SIPA1L1: variants seen among roughly 807,000 people sequenced by gnomAD.
The protein encoded by SIPA1L1 is signal-induced proliferation-associated 1-like protein 1.
A neutral mutation model predicts 162.7 loss-of-function variants in SIPA1L1; 26 were observed. That is an observed-to-expected ratio of 0.16 (90% CI 0.12 to 0.22). The LOEUF is 0.22. Among genes scored for constraint, SIPA1L1 ranks in the 10% least tolerant of loss-of-function variants. The pLI, the probability that SIPA1L1 is intolerant of heterozygous loss-of-function variation, is 1.00. For synonymous variants in SIPA1L1, 829 were observed against 837.4 expected (o/e 0.99, Z 0.17); for missense variants, 1,874 against 2,241.0 (o/e 0.84, Z 3.31).
intron 2 of SIPA1L1, among the ~76,000 whole-genome samples, chr14:71,511,463 T>A (rs988447426): frequency 2.6e-5 from 4 of 152,044 alleles, no homozygotes; most frequent in Admixed American, 6.5e-5. Flanking sequence ...TTTTTTATTT[T>A]TTTTTTGCAG....
At chr14:71,489,192 A>T (rs999051086) in intron 2 of SIPA1L1, among the ~76,000 whole-genome samples, 3 of 152,228 alleles carry the variant, frequency 2.0e-5, no homozygotes, top group Non-Finnish European at 4.4e-5. Context: ...TTGCCTTTAG[A>T]AAACTGACCT....
At chr14:71,361,563 A>G (rs975346820) in intron 2 of SIPA1L1, among the ~76,000 whole-genome samples, 6 of 152,168 alleles carry the variant, frequency 3.9e-5, no homozygotes, top group Admixed American at 6.5e-5. Context: ...CAGATAAGTC[A>G]TTACGTAAGA....
intron 14 of SIPA1L1, among the ~76,000 whole-genome samples, chr14:71,701,400 TG>T (rs1489749219): frequency 1.3e-5 from 2 of 151,632 alleles, no homozygotes; most frequent in East Asian, 1.9e-4. Flanking sequence ...TTTTTTTTTT[TG>T]TGGAGCCTGG....
At chr14:71,324,953 G>T (rs2033614512) in intron 2 of SIPA1L1, among the ~76,000 whole-genome samples, 1 of 152,112 alleles carries the variant, frequency 6.6e-6, no homozygotes, top group South Asian at 2.1e-4. Flanking sequence ...GATTTATGTT[G>T]CGCCACCCTA....
At chr14:71,443,422 G>T (rs1433259723) in intron 2 of SIPA1L1, among the ~76,000 whole-genome samples, 1 of 152,004 alleles carries the variant, frequency 6.6e-6, no homozygotes, top group African/African-American at 2.4e-5. Flanking sequence ...ATCTTTTTGT[G>T]CTTGTTTGTA....
At position 71,707,798 on chromosome 14, in the gene SIPA1L1, A is replaced by G. The variant is rs180724377; in HGVS notation, c.3766-1424A>G. ...CACGTACAATGAAACATGCCTTTTT[A>G]TTTCTCTTGGGTATATATATATACC... On this transcript the variant is annotated intron_variant, in intron 16 of 23. Transcript: ENST00000381232. Among the ~76,000 whole-genome samples the G allele has an allele frequency of 5.1e-3, 773 of 151,750 alleles. 3 individuals are homozygous for G. The highest frequency in any genetic ancestry group is 0.012 in the South Asian group (59 of 4,808).
At chr14:71,566,519 C>CGG (rs893329625) in intron 4 of SIPA1L1, among the ~76,000 whole-genome samples, 1 of 151,950 alleles carries the variant, frequency 6.6e-6, no homozygotes, top group African/African-American at 2.4e-5. Context: ...CATTAGCACA[C>CGG]GGAGAGAGAA....
intron 4 of SIPA1L1, among the ~76,000 whole-genome samples, chr14:71,555,321 C>T (rs1002613745): frequency 2.6e-5 from 4 of 152,220 alleles, no homozygotes; most frequent in Admixed American, 6.5e-5. Flanking sequence ...ATGGAGACAG[C>T]TTCCTTCCCG....
At chr14:71,445,596 A>G (rs955678331) in intron 2 of SIPA1L1, among the ~76,000 whole-genome samples, 2 of 152,200 alleles carry the variant, frequency 1.3e-5, no homozygotes, top group Non-Finnish European at 2.9e-5. Context: ...CATATGTACT[A>G]TATGGAGTCA....
intron 2 of SIPA1L1, among the ~76,000 whole-genome samples, chr14:71,353,527 G>C (rs552311509): frequency 6.6e-6 from 1 of 152,172 alleles, no homozygotes; most frequent in Admixed American, 6.5e-5. Context: ...GGTTTTAAGC[G>C]CAGCATTGAC....
intron 4 of SIPA1L1, among the ~76,000 whole-genome samples, chr14:71,578,355 G>A (rs2033427560): frequency 2.0e-5 from 3 of 152,062 alleles, no homozygotes; most frequent in Admixed American, 2.0e-4. Context: ...GTTGTGAGCC[G>A]CTGCACCTGG....
chr14:71,466,506 CA>C (rs1448993421), intron 2 of SIPA1L1, among the ~76,000 whole-genome samples: 1 of 147,582 alleles, frequency 6.8e-6, no homozygotes, highest in Non-Finnish European at 1.5e-5. Context: ...TGATAACTCT[CA>C]AAGAAACTAG....
At chr14:71,403,551 G>A (rs1353243566) in intron 2 of SIPA1L1, among the ~76,000 whole-genome samples, 1 of 126,920 alleles carries the variant, frequency 7.9e-6, no homozygotes, top group African/African-American at 3.1e-5. Context: ...AGTAAGCCAA[G>A]ATTGCACCAC....
chr14:71,600,089 T>C (rs2036551844), intron 5 of SIPA1L1, among the ~76,000 whole-genome samples: 1 of 152,206 alleles, frequency 6.6e-6, no homozygotes, highest in Non-Finnish European at 1.5e-5. Context: ...GATTCTTTCT[T>C]ATGCTGTACA....
chr14:71,704,648 C>T (rs762522482), intron 15 of SIPA1L1: 9 of 1,121,240 alleles, frequency 8.0e-6, no homozygotes, highest in Non-Finnish European at 1.1e-5. Flanking sequence ...ATCTTGAACG[C>T]CAGCTTGGAG....
chr14:71,701,781 A>G (rs1310786253), intron 14 of SIPA1L1, among the ~76,000 whole-genome samples: 3 of 152,190 alleles, frequency 2.0e-5, no homozygotes, highest in Admixed American at 2.0e-4. Context: ...ATTTTTTGCC[A>G]GTTTACCTGC....
At chr14:71,570,491 C>T (rs74354719) in intron 4 of SIPA1L1, among the ~76,000 whole-genome samples, 20,001 of 152,034 alleles carry the variant, frequency 0.13, 1,780 homozygotes, top group East Asian at 0.42. Context: ...TCTTGAACTC[C>T]TGAGCTCAAG....
At chr14:71,560,781 G>A (rs2056725141) in intron 4 of SIPA1L1, among the ~76,000 whole-genome samples, 1 of 152,184 alleles carries the variant, frequency 6.6e-6, no homozygotes, top group South Asian at 2.1e-4. Context: ...CTGGAGTGAG[G>A]ACAGTATGTA....
chr14:71,686,542 T>G (rs1015857538), intron 13 of SIPA1L1, among the ~76,000 whole-genome samples: 4 of 152,180 alleles, frequency 2.6e-5, no homozygotes, highest in African/African-American at 9.7e-5. Flanking sequence ...TTCTTTTTTT[T>G]CTTTCTTTTT....
Sources: allele counts gnomAD v4.1 joint callset (sites outside exome capture counted in the v4.1 genomes callset), GRCh38; gene constraint gnomAD v4.1.1; transcripts MANE v1.5; gene names NCBI Gene and HGNC (gene_info 2026-07-23, HGNC 2026-07-21).